The following SLC37A1 variants were observed in gnomAD, a reference collection of about 807,000 sequenced individuals.
The protein encoded by SLC37A1 is glucose-6-phosphate exchanger SLC37A1.
SLC37A1 carries 49 observed loss-of-function variants against 75.3 expected under a neutral mutation model. That is an observed-to-expected ratio of 0.65 (90% CI 0.52 to 0.83). SLC37A1 has a LOEUF of 0.83. Ranked by LOEUF, SLC37A1 falls within the 40% of genes least tolerant of loss-of-function variation. The pLI is 0.00. For missense variants in SLC37A1, 566 were observed against 695.0 expected (o/e 0.81, Z 2.09); for synonymous variants, 268 against 292.1 (o/e 0.92, Z 0.84).
chr21:42,535,915 C>T (rs2055125679), intron 5 of SLC37A1, among the ~76,000 whole-genome samples: 1 of 152,242 alleles, frequency 6.6e-6, no homozygotes, highest in Non-Finnish European at 1.5e-5. Flanking sequence ...CCCAACCTCT[C>T]CTGTGGTTCA....
chr21:42,518,653 T>G, intron 2 of SLC37A1, 143 bp downstream of exon 2: 1 of 952,344 alleles, frequency 1.1e-6, no homozygotes, highest in Non-Finnish European at 1.6e-6. Context: ...GAATTGCTTT[T>G]TGGTGGTGGA....
At chr21:42,516,146 G>T (rs528436479) in intron 1 of SLC37A1, among the ~76,000 whole-genome samples, 148 of 152,338 alleles carry the variant, frequency 9.7e-4, no homozygotes, top group African/African-American at 3.3e-3. Context: ...GGCCTGTAGA[G>T]AGTGACTTTT....
intron 2 of SLC37A1, among the ~76,000 whole-genome samples, chr21:42,524,317 G>A (rs1182646645): frequency 6.6e-6 from 1 of 152,168 alleles, no homozygotes; most frequent in Admixed American, 6.5e-5. Context: ...CTATGCGGTG[G>A]TTGAGACTCT....
In SLC37A1 at chr21:42,559,935, G is replaced by A. The variant is rs150733868; in HGVS notation, c.981+846G>A. 2.7e-3 allele frequency among the ~76,000 whole-genome samples: 405 copies of A among 151,764 alleles called. 1 individual carries two copies. The highest frequency in any genetic ancestry group is 9.4e-3 in the African/African-American group (391 of 41,378). Reference sequence around the variant, plus strand: ...GCCACAGCCCGTGGTCTGATTGCCCGTGTGTGTGAGCAGAGGATGCCAAGA... The same window carrying A: ...GCCACAGCCCGTGGTCTGATTGCCCATGTGTGTGAGCAGAGGATGCCAAGA... On this transcript the variant is annotated intron_variant, in intron 11 of 19. Transcript: ENST00000352133.
chr21:42,539,461 C>A, intron 5 of SLC37A1, 51 bp from the exon 6 acceptor site: 1 of 1,564,568 alleles, frequency 6.4e-7, no homozygotes, highest in Non-Finnish European at 8.7e-7. Flanking sequence ...AGGTTGCTAA[C>A]ATTCGGGCGT....
Position 42,515,518 on chromosome 21 carries a change from T to G in SLC37A1, c.-179+801T>G, listed in dbSNP as rs116878871. Among the ~76,000 whole-genome samples the G allele has an allele frequency of 9.8e-3, 1,488 of 152,336 alleles. 16 individuals are homozygous for G. The highest frequency in any genetic ancestry group is 0.016 in the Non-Finnish European group (1,117 of 68,030). Reference sequence around the variant, plus strand: ...ATTATTTGAGTCTCTGCAGATTACTTGGAACCTTCTAGGCAGCGCAGATCA... The same window carrying G: ...ATTATTTGAGTCTCTGCAGATTACTGGGAACCTTCTAGGCAGCGCAGATCA... On this transcript the variant is annotated intron_variant, in intron 1 of 19. Transcript: ENST00000352133.
Position 42,569,991 on chromosome 21 carries a change from CTGAGAAGCGGCGGGCAGGG to C in SLC37A1, c.1423+1556_1423+1574del, listed in dbSNP as rs2056087325. On this transcript the variant is annotated intron_variant, in intron 17 of 19. Coordinates refer to ENST00000352133, the MANE Select transcript of SLC37A1 (RefSeq NM_001320537.2). Reference sequence around the variant, plus strand: ...TGCGTTTCCTTGTTCTGGCCTTGTTCTGAGAAGCGGCGGGCAGGGTGGCCGTTGCCATGTGACACACGGC... The same window carrying C: ...TGCGTTTCCTTGTTCTGGCCTTGTTCTGGCCGTTGCCATGTGACACACGGC... 3.6e-4 allele frequency among the ~76,000 whole-genome samples: 54 copies of C among 151,948 alleles called. 1 individual carries two copies. The highest frequency in any genetic ancestry group is 2.1e-4 in the South Asian group (1 of 4,824).
intron 17 of SLC37A1, among the ~76,000 whole-genome samples, chr21:42,569,846 G>A (rs563713320): frequency 4.6e-5 from 7 of 152,340 alleles, no homozygotes; most frequent in East Asian, 1.9e-4. Context: ...AATCGCAGCC[G>A]GGGCCCAGGC....
intron 3 of SLC37A1, among the ~76,000 whole-genome samples, chr21:42,526,625 G>T (rs2054800646): frequency 6.6e-6 from 1 of 152,152 alleles, no homozygotes; most frequent in Non-Finnish European, 1.5e-5. Flanking sequence ...CTGGGTGGCT[G>T]CCCTCTGCAG....
chr21:42,524,469 T>A (rs896312701), intron 2 of SLC37A1, among the ~76,000 whole-genome samples: 2 of 152,228 alleles, frequency 1.3e-5, no homozygotes, highest in African/African-American at 4.8e-5. Context: ...GTCACTGGCC[T>A]ATTGAGAGCC....
intron 17 of SLC37A1, among the ~76,000 whole-genome samples, chr21:42,571,397 A>G (rs1229218143): frequency 3.3e-5 from 5 of 152,312 alleles, no homozygotes; most frequent in African/African-American, 1.2e-4. Flanking sequence ...TGTACATTTC[A>G]TGCAGAGCAA....
At position 42,564,834 on chromosome 21, in the gene SLC37A1, C is replaced by T. The variant is rs753722237; in HGVS notation, c.1221+41C>T. ...TTCCCTGGGCCCCAAAGCCTGCAGACAGTCCCCCACTGTCCTCCTCGCCAG... is the reference window on the plus strand; with the variant it reads ...TTCCCTGGGCCCCAAAGCCTGCAGATAGTCCCCCACTGTCCTCCTCGCCAG... On this transcript the variant is annotated intron_variant, in intron 14 of 19. Transcript: ENST00000352133. 29 of 1,563,064 alleles carry T rather than the reference C, an allele frequency of 1.9e-5. No homozygotes were observed. In the South Asian group the frequency reaches 3.2e-4, roughly 17 times the overall value.
chr21:42,551,783 T>A (rs574765470), intron 9 of SLC37A1, among the ~76,000 whole-genome samples: 25 of 152,270 alleles, frequency 1.6e-4, no homozygotes, highest in African/African-American at 6.0e-4. Flanking sequence ...CTCTTCTAAT[T>A]TATAGGACCT....
chr21:42,543,566 G>A lies in SLC37A1; in HGVS notation c.694G>A (p.Ala232Thr), dbSNP rs992473636. 2 of 1,612,952 alleles carry A rather than the reference G, an allele frequency of 1.2e-6. No individual in the cohort carries two copies. Among genetic ancestry groups the A allele is most frequent in the Non-Finnish European group, 1.7e-6 (2 of 1,179,354 alleles). ...SFVVPGAIVA[A>T]MGIVCFLFLI... ...CGTCGTGCCTGGAGCCATCGTGGCA[G>A]CCATGGGGATAGTGTGCTTTCTCTT... is the stretch of plus-strand genomic sequence containing the variant. The change falls in exon 8 of 20, where the codon GCC (alanine) becomes ACC (threonine). Residue 232 changes from alanine (A) to threonine (T), a missense_variant. By Grantham distance (58) the Ala-to-Thr change is moderately conservative. Transcript: ENST00000352133.
chr21:42,529,547 T>G (rs1175277408), intron 3 of SLC37A1, among the ~76,000 whole-genome samples: 4 of 152,080 alleles, frequency 2.6e-5, no homozygotes, highest in African/African-American at 9.7e-5. Flanking sequence ...TGAGTGAGAC[T>G]CCATCTCAAA....
At chr21:42,533,889 C>T (rs769653715) in intron 3 of SLC37A1, among the ~76,000 whole-genome samples, 2 of 152,210 alleles carry the variant, frequency 1.3e-5, no homozygotes, top group African/African-American at 2.4e-5. Flanking sequence ...ACAAGTGTCT[C>T]CAACCCTGGC....
At chr21:42,569,516 TCG>T (rs1569039591) in intron 17 of SLC37A1, among the ~76,000 whole-genome samples, 30 of 19,002 alleles carry the variant, frequency 1.6e-3, no homozygotes, top group East Asian at 7.3e-3. Flanking sequence ...CCGCACTCCC[TCG>T]TGCCGCACTC....
At chr21:42,555,851 G>A (rs867874121) in intron 10 of SLC37A1, among the ~76,000 whole-genome samples, 23 of 152,228 alleles carry the variant, frequency 1.5e-4, no homozygotes, top group African/African-American at 5.1e-4. Flanking sequence ...TGAGGGTGAC[G>A]ACCACAACCG....
At chr21:42,546,621 T>C (rs2055413475) in intron 8 of SLC37A1, among the ~76,000 whole-genome samples, 1 of 152,214 alleles carries the variant, frequency 6.6e-6, no homozygotes, top group South Asian at 2.1e-4. Context: ...GGCGGTGATC[T>C]GCCATACCCC....
Sources: gnomAD v4.1 joint callset for allele counts (sites outside exome capture counted in the v4.1 genomes callset) on GRCh38, gnomAD v4.1.1 for gene constraint, MANE v1.5 for transcripts, NCBI Gene and HGNC (gene_info 2026-07-23, HGNC 2026-07-21) for gene names.